Variants in EYA1 observed in about 807,000 individuals in gnomAD.
The protein encoded by EYA1 is protein phosphatase EYA1.
Under a neutral mutation model 82.0 loss-of-function variants are expected in EYA1, and 16 were observed. The ratio of observed to expected loss-of-function variants is 0.20; its 90% CI spans 0.13 to 0.30. The LOEUF is 0.30. EYA1 is among the 10% of genes least tolerant of loss of function. The pLI, the probability that EYA1 is intolerant of heterozygous loss-of-function variation, is 1.00. For missense variants in EYA1, 633 were observed against 730.7 expected (o/e 0.87, Z 1.54); for synonymous variants, 261 against 264.4 (o/e 0.99, Z 0.12).
chr8:71,275,476 A>G (rs1396439294), intron 9 of EYA1, among the ~76,000 whole-genome samples: 1 of 152,208 alleles, frequency 6.6e-6, no homozygotes, highest in African/African-American at 2.4e-5. Flanking sequence ...ATAAAGAAAT[A>G]TGGGCTGGGT....
intron 2 of EYA1, among the ~76,000 whole-genome samples, chr8:71,453,601 A>G (rs188932555): frequency 7.9e-5 from 12 of 152,310 alleles, no homozygotes; most frequent in African/African-American, 2.6e-4. Context: ...CCAGAAGAGA[A>G]TGGGGGCCAA....
At chr8:71,234,006 A>G (rs1265004540) in intron 12 of EYA1, among the ~76,000 whole-genome samples, 1 of 152,174 alleles carries the variant, frequency 6.6e-6, no homozygotes, top group Non-Finnish European at 1.5e-5. Flanking sequence ...GAAAATCTTA[A>G]TAAAGTGCAG....
At chr8:71,223,224 G>A (rs1228243542) in intron 12 of EYA1, among the ~76,000 whole-genome samples, 3 of 152,164 alleles carry the variant, frequency 2.0e-5, no homozygotes, top group Non-Finnish European at 1.5e-5. Context: ...TTAGGCCACC[G>A]TCATGGCAGG....
chr8:71,491,000 C>T (rs952171184), intron 2 of EYA1, among the ~76,000 whole-genome samples: 1 of 151,992 alleles, frequency 6.6e-6, no homozygotes, highest in East Asian at 1.9e-4. Context: ...GCTCAAGTAA[C>T]TGGTGAATGA....
intron 4 of EYA1, among the ~76,000 whole-genome samples, chr8:71,324,520 CACTA>C (rs373841109): frequency 2.1e-3 from 317 of 152,282 alleles, no homozygotes; most frequent in African/African-American, 7.0e-3. Flanking sequence ...CCCAGATTCC[CACTA>C]ACTTTTACCC....
chr8:71,477,000 T>C (rs1809717026), intron 2 of EYA1, among the ~76,000 whole-genome samples: 1 of 152,004 alleles, frequency 6.6e-6, no homozygotes, highest in Non-Finnish European at 1.5e-5. Context: ...CAACAAATAG[T>C]TTTGGAACAA....
chr8:71,365,158 A>T (rs1451783894), upstream of EYA1, among the ~76,000 whole-genome samples: 1 of 151,644 alleles, frequency 6.6e-6, no homozygotes, highest in Non-Finnish European at 1.5e-5. Flanking sequence ...TTAACAGTTG[A>T]TTAATCAAAT....
At chr8:71,374,686 T>G (rs755978846) in intron 2 of EYA1, among the ~76,000 whole-genome samples, 2 of 152,174 alleles carry the variant, frequency 1.3e-5, no homozygotes, top group Non-Finnish European at 2.9e-5. Context: ...ATTACCACCT[T>G]GTAGAGATAT....
At chr8:71,340,958 T>A (rs1361475684) in intron 3 of EYA1, among the ~76,000 whole-genome samples, 1 of 152,220 alleles carries the variant, frequency 6.6e-6, no homozygotes, top group Admixed American at 6.5e-5. Context: ...CTGTTTATGC[T>A]AAAAACAAGA....
chr8:71,399,749 T>C (rs1829844229), intron 2 of EYA1, among the ~76,000 whole-genome samples: 1 of 152,144 alleles, frequency 6.6e-6, no homozygotes, highest in Admixed American at 6.5e-5. Context: ...TTCAATGCTA[T>C]TCCCACTAAA....
intron 14 of EYA1, 120 bp from the exon 15 acceptor site, chr8:71,215,848 G>T: frequency 1.4e-6 from 1 of 734,356 alleles, no homozygotes; most frequent in Non-Finnish European, 2.4e-6. Flanking sequence ...AGTATACAAA[G>T]TATCTTTCAC....
chr8:71,532,430 G>A (rs569356468), intron 2 of EYA1, among the ~76,000 whole-genome samples: 1 of 152,232 alleles, frequency 6.6e-6, no homozygotes, highest in African/African-American at 2.4e-5. Flanking sequence ...AAGAGGCATC[G>A]CCACCTTCTC....
intron 12 of EYA1, among the ~76,000 whole-genome samples, chr8:71,222,462 G>A (rs1425771300): frequency 6.6e-6 from 1 of 152,200 alleles, no homozygotes; most frequent in Non-Finnish European, 1.5e-5. Flanking sequence ...GAAGTCCCAA[G>A]ACACCAGAGA....
chr8:71,387,139 T>C (rs1829011245), intron 2 of EYA1, among the ~76,000 whole-genome samples: 1 of 152,088 alleles, frequency 6.6e-6, no homozygotes, highest in Non-Finnish European at 1.5e-5. Flanking sequence ...TAGACTACTT[T>C]AGGGGAGTAG....
At chr8:71,368,892 T>G (rs536360629) in intron 2 of EYA1, among the ~76,000 whole-genome samples, 1 of 151,876 alleles carries the variant, frequency 6.6e-6, no homozygotes, top group Non-Finnish European at 1.5e-5. Context: ...ACATTTCACA[T>G]TAAGATCTTC....
intron 2 of EYA1, among the ~76,000 whole-genome samples, chr8:71,379,391 A>AT (rs1385247122): frequency 6.6e-6 from 1 of 151,904 alleles, no homozygotes; most frequent in Non-Finnish European, 1.5e-5. Flanking sequence ...GACTTCAATT[A>AT]CCCCAGGGAG....
intron 9 of EYA1, among the ~76,000 whole-genome samples, chr8:71,277,686 T>C (rs1326708594): frequency 6.6e-6 from 1 of 152,234 alleles, no homozygotes; most frequent in Non-Finnish European, 1.5e-5. Flanking sequence ...ATTCCCACTC[T>C]GGGAAAACAG....
At chr8:71,451,020 C>T (rs1442827540) in intron 2 of EYA1, among the ~76,000 whole-genome samples, 2 of 152,192 alleles carry the variant, frequency 1.3e-5, no homozygotes, top group Non-Finnish European at 2.9e-5. Context: ...GAGAAATGCA[C>T]ACTACGATAC....
intron 2 of EYA1, among the ~76,000 whole-genome samples, chr8:71,490,557 T>C (rs563514524): frequency 8.5e-5 from 13 of 152,220 alleles, no homozygotes; most frequent in Non-Finnish European, 1.8e-4. Context: ...CCAATATTTA[T>C]AGAGAAAAGA....
Sources: gnomAD v4.1 joint callset for allele counts (sites outside exome capture counted in the v4.1 genomes callset) on GRCh38, gnomAD v4.1.1 for gene constraint, MANE v1.5 for transcripts, NCBI Gene and HGNC (gene_info 2026-07-23, HGNC 2026-07-21) for gene names.